Variants in PHKA1 observed in about 807,000 individuals in gnomAD.
PHKA1 encodes the protein phosphorylase kinase regulatory subunit alpha 1, also known as phosphorylase b kinase regulatory subunit alpha, skeletal muscle isoform.
Under a neutral mutation model 110.2 loss-of-function variants are expected in PHKA1, and 60 were observed. That is an observed-to-expected ratio of 0.54 (90% CI 0.44 to 0.68). The LOEUF (loss-of-function observed/expected upper bound fraction) is 0.68, where lower values mean the gene tolerates loss of function less well. Ranked by LOEUF, PHKA1 falls within the 30% of genes least tolerant of loss-of-function variation. The pLI is 0.00. For synonymous variants in PHKA1, 316 were observed against 333.6 expected (o/e 0.95, Z 0.58); for missense variants, 801 against 942.5 (o/e 0.85, Z 1.97).
At chrX:72,697,755 C>T (rs1007913125) in intron 3 of PHKA1, among the ~76,000 whole-genome samples, 2 of 109,631 alleles carry the variant, frequency 1.8e-5, no homozygotes, top group African/African-American at 3.3e-5. Context: ...GAGACGGAGG[C>T]GGGTGGATCA....
chrX:72,607,315 G>T (rs1384717819), intron 23 of PHKA1, among the ~76,000 whole-genome samples: 2 of 111,503 alleles, frequency 1.8e-5, no homozygotes, highest in Non-Finnish European at 3.8e-5. Context: ...CTTCATAGTA[G>T]TTGTACTAAT....
chrX:72,694,441 C>T (rs1345492086), intron 4 of PHKA1, among the ~76,000 whole-genome samples: 3 of 111,978 alleles, frequency 2.7e-5, no homozygotes, highest in Non-Finnish European at 5.6e-5. Flanking sequence ...AATAGCTAGT[C>T]CCAACCTTCT....
At chrX:72,699,155 G>A (rs1315423457) in intron 3 of PHKA1, among the ~76,000 whole-genome samples, 1 of 110,235 alleles carries the variant, frequency 9.1e-6, no homozygotes, top group African/African-American at 3.3e-5. Context: ...TTATTTAAAG[G>A]TTATGTATAA....
At chrX:72,616,158 T>C (rs2052893998) in intron 21 of PHKA1, among the ~76,000 whole-genome samples, 1 of 110,892 alleles carries the variant, frequency 9.0e-6, no homozygotes, top group Non-Finnish European at 1.9e-5. Flanking sequence ...TTGAGCCCAA[T>C]AGTTTGAGAC....
chrX:72,644,843 G>A (rs782202936), intron 13 of PHKA1, among the ~76,000 whole-genome samples: 6 of 111,022 alleles, frequency 5.4e-5, no homozygotes, highest in Admixed American at 9.6e-5. Context: ...CTGATTCCCC[G>A]AGTTCTTTTG....
intron 6 of PHKA1, among the ~76,000 whole-genome samples, chrX:72,669,099 T>C (rs2053647802): frequency 8.9e-6 from 1 of 112,028 alleles, no homozygotes; most frequent in Non-Finnish European, 1.9e-5. Context: ...CCCCTGTGGC[T>C]TTGATGGGTA....
intron 8 of PHKA1, among the ~76,000 whole-genome samples, chrX:72,663,772 T>C (rs1556305290): frequency 9.8e-6 from 1 of 102,440 alleles, no homozygotes; most frequent in Non-Finnish European, 2.0e-5. Context: ...GCAAGAACAC[T>C]ATACCCAGAA....
chrX:72,617,439 G>A, intron 21 of PHKA1, among the ~76,000 whole-genome samples: 1 of 111,304 alleles, frequency 9.0e-6, no homozygotes, highest in East Asian at 2.8e-4. Context: ...AGGATCACTT[G>A]AGACTGGGCA....
intron 25 of PHKA1, among the ~76,000 whole-genome samples, chrX:72,604,394 C>T (rs1224274109): frequency 9.0e-6 from 1 of 111,218 alleles, no homozygotes; most frequent in Non-Finnish European, 1.9e-5. Context: ...AAACTTAAAG[C>T]AAAAAGCACA....
chrX:72,672,427 T>C (rs782510187), intron 6 of PHKA1, among the ~76,000 whole-genome samples: 1 of 111,457 alleles, frequency 9.0e-6, no homozygotes, highest in East Asian at 2.8e-4. Flanking sequence ...TTCTGGCGGG[T>C]AGAAACTCTG....
At chrX:72,582,840 A>T (rs1248533844) in intron 30 of PHKA1, among the ~76,000 whole-genome samples, 2 of 111,809 alleles carry the variant, frequency 1.8e-5, no homozygotes, top group Non-Finnish European at 3.8e-5. Flanking sequence ...TCATCCTAAG[A>T]TAGTAATTCA....
At chrX:72,612,158 A>C (rs183252065) in intron 21 of PHKA1, among the ~76,000 whole-genome samples, 1 of 112,507 alleles carries the variant, frequency 8.9e-6, no homozygotes, top group East Asian at 2.8e-4. Flanking sequence ...AGAATGAAGT[A>C]CTGATACATG....
At position 72,580,949 on chromosome X, in the gene PHKA1, C is replaced by A; in HGVS notation, c.*53G>T. Reference sequence around the variant, plus strand: ...ACATTTTAGTTCCATGCACAATCAACCGAGGCAGGGACCAGCTGTCAAAAG... The same window carrying A: ...ACATTTTAGTTCCATGCACAATCAAACGAGGCAGGGACCAGCTGTCAAAAG... On this transcript the variant is annotated 3_prime_UTR_variant, in exon 32 of 32. Transcript: ENST00000373542. 9.2e-7 allele frequency: 1 copy of A among 1,091,090 alleles called. No individual in the cohort carries two copies. Among genetic ancestry groups the A allele is most frequent in the African/African-American group, 1.8e-5 (1 of 55,403 alleles). The allele number at this position is 1,091,090 out of a possible 1,213,427, so 89.9% of individuals were successfully genotyped here.
At chrX:72,682,353 CT>C (rs2053907915) in intron 5 of PHKA1, among the ~76,000 whole-genome samples, 1 of 110,187 alleles carries the variant, frequency 9.1e-6, no homozygotes, top group Non-Finnish European at 1.9e-5. Context: ...GGTCAGCCCC[CT>C]GCCCGGCCAG....
intron 4 of PHKA1, among the ~76,000 whole-genome samples, chrX:72,685,861 A>G (rs902547571): frequency 5.9e-4 from 66 of 112,043 alleles, no homozygotes; most frequent in African/African-American, 2.0e-3. Flanking sequence ...AGGCTATTCT[A>G]TTTAAACAAA....
chrX:72,684,194 G>C (rs928084038), intron 5 of PHKA1, among the ~76,000 whole-genome samples: 11 of 111,701 alleles, frequency 9.8e-5, no homozygotes, highest in Non-Finnish European at 1.9e-5. Flanking sequence ...TTGCTCTTAA[G>C]AACTTAAATC....
Position 72,684,492 on chromosome X carries a change from A to T in PHKA1, c.537+6T>A. 1 of 1,082,757 alleles carries T rather than the reference A, an allele frequency of 9.2e-7. No individual in the cohort carries two copies. The highest frequency in any genetic ancestry group is 1.3e-6 in the Non-Finnish European group (1 of 777,936). 89.2% of individuals were successfully genotyped at this position (1,082,757 alleles called of 1,213,427 possible). Reference sequence around the variant, plus strand: ...GTCTAAAATCCATTCTAAAATCAGTACTTACAGCAGTTTTATATGCAGCTT... The same window carrying T: ...GTCTAAAATCCATTCTAAAATCAGTTCTTACAGCAGTTTTATATGCAGCTT... On this transcript the variant is annotated splice_donor_region_variant and intron_variant, in intron 5 of 31. Coordinates refer to ENST00000373542, the MANE Select transcript of PHKA1 (RefSeq NM_002637.4).
intron 4 of PHKA1, among the ~76,000 whole-genome samples, chrX:72,690,498 A>G (rs1556320825): frequency 9.0e-6 from 1 of 111,257 alleles, no homozygotes. Flanking sequence ...AGGAAGACAC[A>G]CCAGGAGTGC....
At chrX:72,610,935 G>C in intron 22 of PHKA1, 93 bp downstream of exon 22, 1 of 622,586 alleles carries the variant, frequency 1.6e-6, no homozygotes, top group Non-Finnish European at 2.6e-6. Context: ...CAAATGGTTA[G>C]AGGCTATGGT....
Sources: allele counts gnomAD v4.1 joint callset (sites outside exome capture counted in the v4.1 genomes callset), GRCh38; gene constraint gnomAD v4.1.1; transcripts MANE v1.5; gene names NCBI Gene and HGNC (gene_info 2026-07-23, HGNC 2026-07-21).